The following DCDC2C variants were observed in gnomAD, a reference collection of about 807,000 sequenced individuals.
The protein encoded by DCDC2C is doublecortin domain containing 2C.
A neutral mutation model predicts 45.0 loss-of-function variants in DCDC2C; 44 were observed. The observed-to-expected ratio is 0.98, with a 90% CI of 0.77 to 1.26. DCDC2C has a LOEUF of 1.26. Among genes scored for constraint, DCDC2C ranks in the 50% most tolerant of loss-of-function variants. The probability of loss-of-function intolerance (pLI) is 0.00; values close to 1 mark genes in which losing one functional copy is unlikely to be tolerated. For synonymous variants in DCDC2C, 187 were observed against 178.8 expected (o/e 1.05, Z -0.37); for missense variants, 447 against 468.9 (o/e 0.95, Z 0.43).
At position 3,746,442 on chromosome 2, in the gene DCDC2C, A is replaced by G. The variant is rs867883701; in HGVS notation, c.545+4394A>G. ...TGACGTTTAGTATGGAGCGGGGGAC[A>G]TGGAGGATGAAAGAGGGCAAGTTGC... On this transcript the variant is annotated intron_variant, in intron 4 of 10. Coordinates refer to ENST00000399143, the MANE Select transcript of DCDC2C (RefSeq NM_001287444.2). 9.1e-4 allele frequency among the ~76,000 whole-genome samples: 139 copies of G among 152,276 alleles called. 5 individuals carry two copies. The highest frequency in any genetic ancestry group is 6.8e-3 in the Middle Eastern group (2 of 294).
intron 10 of DCDC2C, among the ~76,000 whole-genome samples, chr2:3,827,756 C>T (rs1360456454): frequency 6.6e-6 from 1 of 152,022 alleles, no homozygotes; most frequent in Admixed American, 6.6e-5. Context: ...AGTGGTTCCC[C>T]TAGATATTAA....
intron 2 of DCDC2C, among the ~76,000 whole-genome samples, chr2:3,723,927 C>T (rs114374888): frequency 0.016 from 2,411 of 152,124 alleles, 36 homozygotes; most frequent in Middle Eastern, 0.031. Flanking sequence ...GATAGAGGTA[C>T]CTGAACAGCC....
chr2:3,706,549 T>TGC (rs200546566), intron 1 of DCDC2C, among the ~76,000 whole-genome samples: 1,766 of 118,536 alleles, frequency 0.015, 36 homozygotes, highest in African/African-American at 0.053. Context: ...CACGCATGTG[T>TGC]GTGCGTGTGT....
intron 10 of DCDC2C, among the ~76,000 whole-genome samples, chr2:3,821,276 A>T (rs1345832202): frequency 6.6e-6 from 1 of 152,188 alleles, no homozygotes; most frequent in East Asian, 1.9e-4. Context: ...ACTTCAGGCC[A>T]TCTGGATGTA....
Position 3,778,876 on chromosome 2 carries a change from G to A in DCDC2C, c.1015G>A (p.Gly339Ser). Reference sequence around the variant, plus strand: ...ACATGAGAACACCCCTGATTTTGAGGGCAACAAGGTGAGTTCATTTTATTT... The same window carrying A: ...ACATGAGAACACCCCTGATTTTGAGAGCAACAAGGTGAGTTCATTTTATTT... ...EIHENTPDFEGNKDKEDARLC... is the reference protein window; with the variant it reads ...EIHENTPDFESNKDKEDARLC... The change falls in exon 9 of 11, where the codon GGC becomes AGC. Residue 339 changes from glycine (G) to serine (S), a missense_variant. Coordinates refer to ENST00000399143, the MANE Select transcript of DCDC2C (RefSeq NM_001287444.2). 2 of 1,550,912 alleles carry A rather than the reference G, an allele frequency of 1.3e-6. No homozygotes were observed. The highest frequency in any genetic ancestry group is 1.2e-5 in the South Asian group (1 of 84,026).
intron 10 of DCDC2C, among the ~76,000 whole-genome samples, chr2:3,819,538 G>T (rs1346067163): frequency 6.6e-6 from 1 of 152,192 alleles, no homozygotes; most frequent in African/African-American, 2.4e-5. Context: ...CTCCCGTTGT[G>T]GGGTTTGAGG....
chr2:3,811,627 G>A (rs1296922382), intron 10 of DCDC2C, among the ~76,000 whole-genome samples: 4 of 152,186 alleles, frequency 2.6e-5, no homozygotes, highest in African/African-American at 9.6e-5. Context: ...TTGAATAGAA[G>A]TGGTGAGGGA....
intron 2 of DCDC2C, among the ~76,000 whole-genome samples, chr2:3,714,839 A>T (rs1264892504): frequency 6.6e-6 from 1 of 152,210 alleles, no homozygotes; most frequent in African/African-American, 2.4e-5. Flanking sequence ...CTTCTTAGTG[A>T]TCTTGCCAAT....
intron 10 of DCDC2C, among the ~76,000 whole-genome samples, chr2:3,799,957 C>A (rs892549403): frequency 6.6e-6 from 1 of 152,214 alleles, no homozygotes; most frequent in African/African-American, 2.4e-5. Context: ...GCGGGCGCCC[C>A]TCCCCCAGCC....
intron 4 of DCDC2C, among the ~76,000 whole-genome samples, chr2:3,748,645 T>A (rs1669445345): frequency 6.6e-6 from 1 of 152,110 alleles, no homozygotes. Context: ...AGACACACAA[T>A]CTGAGTGTTG....
chr2:3,837,468 G>A (rs1672109790), intron 10 of DCDC2C, among the ~76,000 whole-genome samples: 1 of 152,162 alleles, frequency 6.6e-6, no homozygotes, highest in Non-Finnish European at 1.5e-5. Context: ...CTAGGCTGTA[G>A]GGGAGCACAC....
rs549914524 is a variant in DCDC2C at position 3,754,425 on chromosome 2, G to C, written c.684-167G>C. 4.6e-5 allele frequency among the ~76,000 whole-genome samples: 7 copies of C among 152,320 alleles called. No homozygotes were observed. In the South Asian group the frequency reaches 1.5e-3, roughly 32 times the overall value. ...TGAACAGATTCCTGGGGCGTTTTCT[G>C]CTCCCAAAGCTGGGAAATCATTGTT... On this transcript the variant is annotated intron_variant, in intron 5 of 10. Coordinates refer to ENST00000399143, the MANE Select transcript of DCDC2C (RefSeq NM_001287444.2).
chr2:3,752,681 T>C, intron 4 of DCDC2C, 82 bp from the exon 5 acceptor site: 1 of 1,460,846 alleles, frequency 6.8e-7, no homozygotes, highest in South Asian at 1.2e-5. Flanking sequence ...ACTAGTCATG[T>C]CATAGTGTAT....
chr2:3,766,105 C>T (rs1333381916), intron 6 of DCDC2C, among the ~76,000 whole-genome samples: 4 of 152,028 alleles, frequency 2.6e-5, no homozygotes, highest in Admixed American at 1.3e-4. Flanking sequence ...GGAGGCTCCG[C>T]GTTTGTATCT....
chr2:3,824,342 C>G (rs1671765527), intron 10 of DCDC2C, among the ~76,000 whole-genome samples: 1 of 152,204 alleles, frequency 6.6e-6, no homozygotes, highest in South Asian at 2.1e-4. Flanking sequence ...AACTCTATTG[C>G]AACTACTCAA....
intron 10 of DCDC2C, 84 bp downstream of exon 10, chr2:3,785,184 C>A (rs1670617654): frequency 1.1e-5 from 12 of 1,045,798 alleles, no homozygotes; most frequent in Non-Finnish European, 1.5e-5. Flanking sequence ...ATCCCCAAAT[C>A]TTCTCAGGTG....
At chr2:3,722,173 A>G (rs1305831473) in intron 2 of DCDC2C, among the ~76,000 whole-genome samples, 1 of 152,232 alleles carries the variant, frequency 6.6e-6, no homozygotes. Flanking sequence ...CAACTTGATC[A>G]AGGCCACACA....
intron 9 of DCDC2C, among the ~76,000 whole-genome samples, chr2:3,783,791 G>T (rs911367415): frequency 2.0e-5 from 3 of 152,228 alleles, no homozygotes; most frequent in Non-Finnish European, 2.9e-5. Flanking sequence ...AAAGATGAAG[G>T]TGGATATTCA....
intron 3 of DCDC2C, among the ~76,000 whole-genome samples, chr2:3,730,102 T>C (rs1291764728): frequency 6.6e-6 from 1 of 152,124 alleles, no homozygotes; most frequent in East Asian, 1.9e-4. Context: ...AGCACAACCC[T>C]CCCACGAGGG....
Sources: allele counts gnomAD v4.1 joint callset (sites outside exome capture counted in the v4.1 genomes callset), GRCh38; gene constraint gnomAD v4.1.1; transcripts MANE v1.5; gene names NCBI Gene and HGNC (gene_info 2026-07-23, HGNC 2026-07-21).